CLEC4G: variants seen among roughly 807,000 people sequenced by gnomAD.
The protein encoded by CLEC4G is C-type lectin domain family 4 member G, also known as C-type lectin superfamily 4, member G.
A neutral mutation model predicts 37.0 loss-of-function variants in CLEC4G; 34 were observed. That is an observed-to-expected ratio of 0.92 (90% CI 0.70 to 1.22). The LOEUF (loss-of-function observed/expected upper bound fraction) is 1.22. CLEC4G is among the 50% of genes most tolerant of loss of function. The pLI is 0.00. For synonymous variants in CLEC4G, 167 were observed against 165.6 expected (o/e 1.01, Z -0.06); for missense variants, 390 against 392.9 (o/e 0.99, Z 0.06).
Position 7,729,208 on chromosome 19 carries a change from C to T in CLEC4G, c.*158G>A, listed in dbSNP as rs1343828009. On this transcript the variant is annotated 3_prime_UTR_variant, in exon 9 of 9. Coordinates refer to ENST00000328853, the MANE Select transcript of CLEC4G (RefSeq NM_198492.4). ...GAGGTCCCAGAGCCCAGGCACTGGG[C>T]TGGACAGGGCTATGTTGGGCCAAGT... is the stretch of plus-strand genomic sequence containing the variant. 1.4e-6 allele frequency: 1 copy of T among 704,500 alleles called. No individual in the cohort carries two copies. The highest frequency in any genetic ancestry group is 2.6e-6 in the Non-Finnish European group (1 of 386,672). 43.6% of individuals were successfully genotyped at this position (704,500 alleles called of 1,614,324 possible).
Position 7,729,057 on chromosome 19 carries a change from T to C in CLEC4G, c.*309A>G. 1 of 473,452 alleles carries C rather than the reference T, an allele frequency of 2.1e-6. No individual in the cohort carries two copies. Among genetic ancestry groups the C allele is most frequent in the Non-Finnish European group, 4.0e-6 (1 of 249,728 alleles). The allele number at this position is 473,452 out of a possible 1,614,324, so 29.3% of individuals were successfully genotyped here. A position where few individuals can be genotyped will look rare whatever the true frequency, so the allele number is the denominator to read the frequency against. ...CGAGAAAACCAAACAGCTCCAGTCCTCAGTCACCTAACCTTGGTTAGGGAG... is the reference window on the plus strand; with the variant it reads ...CGAGAAAACCAAACAGCTCCAGTCCCCAGTCACCTAACCTTGGTTAGGGAG... On this transcript the variant is annotated 3_prime_UTR_variant, in exon 9 of 9. Coordinates refer to ENST00000328853, the MANE Select transcript of CLEC4G (RefSeq NM_198492.4).
In CLEC4G at chr19:7,730,736, G is replaced by C. The variant is rs909699746; in HGVS notation, c.388+19C>G. 2.0e-6 allele frequency: 3 copies of C among 1,527,490 alleles called. No individual in the cohort carries two copies. Among genetic ancestry groups the C allele is most frequent in the African/African-American group, 2.8e-5 (2 of 72,574 alleles). 94.6% of individuals were successfully genotyped at this position (1,527,490 alleles called of 1,614,324 possible). ...GGACGCGGCCAGGGCTCAGGGCCGG[G>C]GTCGCGTCGGGCCCTCACCGCGCTC... On this transcript the variant is annotated intron_variant, in intron 5 of 8. Coordinates refer to ENST00000328853, the MANE Select transcript of CLEC4G (RefSeq NM_198492.4). This position sits in a 1 kb window ranked among gnomAD's most constrained non-coding sequence, Gnocchi z 7.3.
chr19:7,729,783 TC>T, intron 8 of CLEC4G, 37 bp downstream of exon 8: 1 of 1,611,870 alleles, frequency 6.2e-7, no homozygotes. Flanking sequence ...GCCTAACCTG[TC>T]TCCCTCCCCA....
In CLEC4G at chr19:7,731,752, C is replaced by T. The variant is rs758598702; in HGVS notation, c.75G>A (p.Val25=). Reference sequence around the variant, plus strand: ...AGAAGAGGGGTCTCCTGCTCCAGTGCACCCAGCGTCCCCAGGGCCCTGGCA... The same window carrying T: ...AGAAGAGGGGTCTCCTGCTCCAGTGTACCCAGCGTCCCCAGGGCCCTGGCA... ...EVPGGPWGRW[V]HWSRRPLFLA... The change falls in exon 2 of 9, where the codon GTG becomes GTA. Residue 25 remains valine (V), a synonymous_variant. Coordinates refer to ENST00000328853, the MANE Select transcript of CLEC4G (RefSeq NM_198492.4). 5.0e-6 allele frequency: 8 copies of T among 1,613,834 alleles called. No individual in the cohort carries two copies. In the Admixed American group the frequency reaches 5.0e-5, roughly 10 times the overall value.
chr19:7,729,907 ACG>A lies in CLEC4G; in HGVS notation c.655_656del (p.Arg219TrpfsTer38). On this transcript the variant is annotated frameshift_variant, in exon 8 of 9. Coordinates refer to ENST00000328853, the MANE Select transcript of CLEC4G (RefSeq NM_198492.4). LOFTEE classifies it high-confidence loss of function. ...QGFLTRNTRG[R>X]GYWLGLRAVR... ...CAGCCCTCAGGCCCAGCCAGTAACC[ACG>A]GCCACGCGTGTTCCGAGTGAGGAAG... 6.2e-7 allele frequency: 1 copy of A among 1,613,904 alleles called. No homozygotes were observed. The highest frequency in any genetic ancestry group is 8.5e-7 in the Non-Finnish European group (1 of 1,179,968).
rs1168710670 is a variant in CLEC4G, at chr19:7,730,776, G to T, written c.367C>A (p.Leu123Met). The T allele has an allele frequency of 2.0e-6, 3 of 1,532,424 alleles. No homozygotes were observed. The African/African-American group carries it at 4.1e-5, about 21-fold the overall frequency. 94.9% of individuals were successfully genotyped at this position (1,532,424 alleles called of 1,614,324 possible). A position where few individuals can be genotyped will look rare whatever the true frequency, so the allele number is the denominator to read the frequency against. ...QAKLMEQESA[L>M]RELRERVTQG... The stretch of plus-strand genomic sequence containing the variant: ...TCACCGCGCTCACGCAGTTCCCGCA[G>T]GGCGCTCTCCTGCTCCATCAGCTTC... The change falls in exon 5 of 9, where the codon CTG becomes ATG. Residue 123 changes from leucine (L) to methionine (M), a missense_variant. Leu to Met is a conservative substitution (Grantham distance 15). Transcript: ENST00000328853. This position sits in a 1 kb window ranked among gnomAD's most constrained non-coding sequence, Gnocchi z 7.3.
rs2033413958 is a variant in CLEC4G at position 7,730,616 on chromosome 19, G to A, written c.388+139C>T. On this transcript the variant is annotated intron_variant, in intron 5 of 8. Coordinates refer to ENST00000328853, the MANE Select transcript of CLEC4G (RefSeq NM_198492.4). This position sits in a 1 kb window ranked among gnomAD's most constrained non-coding sequence, Gnocchi z 7.3. ...CAGGGTCCGGGTGTGGCCGGCGCTA[G>A]GAGTGGCAGTCAAGGTCAGAGTGCA... 2.8e-6 allele frequency: 4 copies of A among 1,449,072 alleles called. No homozygotes were observed. In the South Asian group the frequency reaches 5.6e-5, roughly 20 times the overall value. 89.8% of individuals were successfully genotyped at this position (1,449,072 alleles called of 1,614,324 possible). A position where few individuals can be genotyped will look rare whatever the true frequency, so the allele number is the denominator to read the frequency against.
chr19:7,731,913 CCCTGGTCCAACTGGCTCTAT>C, intron 1 of CLEC4G, 115 bp downstream of exon 1: 3 of 1,510,646 alleles, frequency 2.0e-6, no homozygotes, highest in Middle Eastern at 2.2e-4. Flanking sequence ...TGGAATTGGA[CCCTGGTCCAACTGGCTCTAT>C]GGCCTGTGGT....
intron 2 of CLEC4G, 70 bp downstream of exon 2, chr19:7,731,591 C>G (rs1011514203): frequency 6.4e-7 from 1 of 1,564,426 alleles, no homozygotes; most frequent in East Asian, 2.3e-5. Flanking sequence ...GCAGCTGGTG[C>G]GCCATGCAGT....
chr19:7,731,603 G>A (rs2033433922), intron 2 of CLEC4G, 58 bp downstream of exon 2: 23 of 1,591,276 alleles, frequency 1.4e-5, no homozygotes, highest in Middle Eastern at 1.7e-4. Flanking sequence ...CCATGCAGTG[G>A]GGGTTTTCTG....
In CLEC4G at chr19:7,731,622, G is replaced by A. The variant is rs772907418; in HGVS notation, c.166+39C>T. 2.4e-5 allele frequency: 38 copies of A among 1,607,476 alleles called. No individual in the cohort carries two copies. In the South Asian group the frequency reaches 4.2e-4, roughly 18 times the overall value. On this transcript the variant is annotated intron_variant, in intron 2 of 8. Transcript: ENST00000328853. ...GCAGTGGGGGTTTTCTGTCCCCAGG[G>A]GGGCCGGATGCAACACCTCCCCATT...
intron 2 of CLEC4G, 113 bp from the exon 3 acceptor site, chr19:7,731,432 C>T (rs1390062152): frequency 2.7e-6 from 4 of 1,496,850 alleles, no homozygotes; most frequent in African/African-American, 2.8e-5. Context: ...AGGCATACAG[C>T]TCACACGATG....
At chr19:7,732,005 C>T (rs1484434032) in intron 1 of CLEC4G, 43 bp downstream of exon 1, 20 of 1,537,774 alleles carry the variant, frequency 1.3e-5, no homozygotes, top group Non-Finnish European at 1.7e-5. Flanking sequence ...CCCATCAAAC[C>T]CCAGACACTG....
In CLEC4G at chr19:7,731,248, G is replaced by GC; in HGVS notation, c.220+17dup. 6.3e-7 allele frequency: 1 copy of GC among 1,583,188 alleles called. No homozygotes were observed. Among genetic ancestry groups the GC allele is most frequent in the Non-Finnish European group, 8.6e-7 (1 of 1,166,882 alleles). On this transcript the variant is annotated intron_variant, in intron 3 of 8. Coordinates refer to ENST00000328853, the MANE Select transcript of CLEC4G (RefSeq NM_198492.4). ...CCCCTCACGCCCCGGGGGCCCAGGC[G>GC]CCCGGCTCTGCACACACCGTTTGTC...
chr19:7,729,640 T>C lies in CLEC4G; in HGVS notation c.744-136A>G, dbSNP rs2277996. The C allele has an allele frequency of 0.33, 402,690 of 1,205,522 alleles. 71,868 individuals are homozygous for C. Among genetic ancestry groups the C allele is most frequent in the East Asian group, 0.58 (23,978 of 41,560 alleles). The allele number at this position is 1,205,522 out of a possible 1,614,324, so 74.7% of individuals were successfully genotyped here. On this transcript the variant is annotated intron_variant, in intron 8 of 8. Coordinates refer to ENST00000328853, the MANE Select transcript of CLEC4G (RefSeq NM_198492.4). ...ACACCCCAACTGTCTAACCTGAGTA[T>C]ACACCTGGTATATAACTTTTTAACG...
chr19:7,731,664 T>G lies in CLEC4G; in HGVS notation c.163A>C (p.Lys55Gln). Reference sequence around the variant, plus strand: ...CTCCCCATTGAGAGTCACTCACCCTTGGACAATAGGATACTCAGAATCACA... The same window carrying G: ...CTCCCCATTGAGAGTCACTCACCCTGGGACAATAGGATACTCAGAATCACA... ...WAVILSILLS[K>Q]ASTERAALLD... The change falls in exon 2 of 9, where the codon AAG (lysine) becomes CAG (glutamine). Residue 55 changes from lysine (K) to glutamine (Q), a missense_variant. By Grantham distance (53) the Lys-to-Gln change is moderately conservative. Coordinates refer to ENST00000328853, the MANE Select transcript of CLEC4G (RefSeq NM_198492.4). 6.2e-7 allele frequency: 1 copy of G among 1,613,932 alleles called. No individual in the cohort carries two copies. The highest frequency in any genetic ancestry group is 8.5e-7 in the Non-Finnish European group (1 of 1,179,914).
In CLEC4G at chr19:7,729,059, A is replaced by G. The variant is rs2033385668; in HGVS notation, c.*307T>C. 2 of 476,636 alleles carry G rather than the reference A, an allele frequency of 4.2e-6. No homozygotes were observed. Among genetic ancestry groups the G allele is most frequent in the Non-Finnish European group, 4.0e-6 (1 of 251,510 alleles). The allele number at this position is 476,636 out of a possible 1,614,324, so 29.5% of individuals were successfully genotyped here. A position where few individuals can be genotyped will look rare whatever the true frequency, so the allele number is the denominator to read the frequency against. On this transcript the variant is annotated 3_prime_UTR_variant, in exon 9 of 9. Transcript: ENST00000328853. ...AGAAAACCAAACAGCTCCAGTCCTCAGTCACCTAACCTTGGTTAGGGAGAG... is the reference window on the plus strand; with the variant it reads ...AGAAAACCAAACAGCTCCAGTCCTCGGTCACCTAACCTTGGTTAGGGAGAG...
Position 7,730,110 on chromosome 19 carries a change from A to G in CLEC4G, c.536T>C (p.Phe179Ser), listed in dbSNP as rs2033404840. 6.2e-7 allele frequency: 1 copy of G among 1,612,180 alleles called. No homozygotes were observed. Among genetic ancestry groups the G allele is most frequent in the African/African-American group, 1.3e-5 (1 of 74,900 alleles). The change falls in exon 7 of 9, where the codon TTC becomes TCC. Residue 179 changes from phenylalanine (F) to serine (S), a missense_variant. Physicochemically the swap from Phe to Ser is radical, Grantham distance 155. Transcript: ENST00000328853. This position sits in a 1 kb window ranked among gnomAD's most constrained non-coding sequence, Gnocchi z 7.3. ...WLSFEGSCYF[F>S]SVPKTTWAAA... ...CGCCCACGTCGTCTTTGGCACAGAGAAAAAGTAGCAGGAGCCCTCGAAGGA... is the reference window on the plus strand; with the variant it reads ...CGCCCACGTCGTCTTTGGCACAGAGGAAAAGTAGCAGGAGCCCTCGAAGGA...
rs752466608 is a variant in CLEC4G at position 7,730,882 on chromosome 19, G to A, written c.284-23C>T. ...AGCCTGGGAGCCGCAGGGTGAGAGG[G>A]GCGAGGGCGGCGAGGATGGGGCGGG... On this transcript the variant is annotated intron_variant, in intron 4 of 8. Coordinates refer to ENST00000328853, the MANE Select transcript of CLEC4G (RefSeq NM_198492.4). This position sits in a 1 kb window ranked among gnomAD's most constrained non-coding sequence, Gnocchi z 7.3. 18 of 1,526,166 alleles carry A rather than the reference G, an allele frequency of 1.2e-5. No individual in the cohort carries two copies. In the East Asian group the frequency reaches 3.5e-4, roughly 30 times the overall value. The allele number at this position is 1,526,166 out of a possible 1,614,324, so 94.5% of individuals were successfully genotyped here.
Sources: allele counts gnomAD v4.1 joint callset, GRCh38; gene constraint gnomAD v4.1.1; non-coding constraint Gnocchi (gnomAD v3.1); transcripts MANE v1.5; gene names NCBI Gene and HGNC (gene_info 2026-07-23, HGNC 2026-07-21).